Variants in TBC1D12 observed in about 807,000 individuals in gnomAD.
TBC1D12 encodes TBC1 domain family member 12, also known as TBC1 domain family, member 12.
Under a neutral mutation model 86.7 loss-of-function variants are expected in TBC1D12, and 56 were observed. That is an observed-to-expected ratio of 0.65 (90% CI 0.52 to 0.81). The LOEUF (loss-of-function observed/expected upper bound fraction) is 0.81, where lower values mean the gene tolerates loss of function less well. Ranked by LOEUF, TBC1D12 falls within the 30% of genes least tolerant of loss-of-function variation. The pLI, the probability that TBC1D12 is intolerant of heterozygous loss-of-function variation, is 0.00. For synonymous variants in TBC1D12, 421 were observed against 411.7 expected, an observed-to-expected ratio of 1.02 and a Z score of -0.27; for missense variants, 1,023 against 1,038.8, an observed-to-expected ratio of 0.98 and a Z score of 0.21.
intron 4 of TBC1D12, among the ~76,000 whole-genome samples, chr10:94,494,910 A>G (rs998230458): frequency 3.9e-5 from 6 of 152,034 alleles, no homozygotes; most frequent in Non-Finnish European, 8.8e-5. Flanking sequence ...TACCTAGGCC[A>G]GAGTGCAGTG....
chr10:94,474,281 T>A (rs1314694954), intron 2 of TBC1D12, among the ~76,000 whole-genome samples: 1 of 152,104 alleles, frequency 6.6e-6, no homozygotes, highest in Admixed American at 6.6e-5. Flanking sequence ...TTCCTTCTCT[T>A]ACATTTTGAT....
intron 2 of TBC1D12, among the ~76,000 whole-genome samples, chr10:94,454,455 C>T (rs1329940580): frequency 1.3e-5 from 2 of 152,198 alleles, no homozygotes; most frequent in Non-Finnish European, 2.9e-5. Flanking sequence ...AGGTTATCCA[C>T]CCGCCTCGGC....
intron 9 of TBC1D12, 122 bp from the exon 10 acceptor site, chr10:94,521,833 A>G (rs945386695): frequency 4.4e-6 from 4 of 904,730 alleles, no homozygotes; most frequent in Non-Finnish European, 6.0e-6. Context: ...TGGGAAGGAA[A>G]AAAGAAATCT....
In TBC1D12 at chr10:94,522,051, C is replaced by T; in HGVS notation, c.1858C>T (p.Gln620Ter). The T allele has an allele frequency of 6.2e-7, 1 of 1,612,730 alleles. No individual in the cohort carries two copies. Among genetic ancestry groups the T allele is most frequent in the Non-Finnish European group, 8.5e-7 (1 of 1,179,120 alleles). Residue 620 changes from glutamine to a stop codon, truncating the protein, a stop_gained, in exon 10 of 13, where the codon CAG becomes TAG. Transcript: ENST00000225235. LOFTEE classifies it high-confidence loss of function. Reference protein sequence around the residue: ...AFANLLNKPCQLAFFRVDHSM... With the variant: ...AFANLLNKPC Reference sequence around the variant, plus strand: ...TGCCAATCTCCTGAATAAGCCATGCCAGTTGGCCTTTTTTCGTGTGGATCA... The same window carrying T: ...TGCCAATCTCCTGAATAAGCCATGCTAGTTGGCCTTTTTTCGTGTGGATCA...
At chr10:94,414,809 A>C (rs1468333390) in intron 1 of TBC1D12, among the ~76,000 whole-genome samples, 2 of 152,162 alleles carry the variant, frequency 1.3e-5, no homozygotes, top group Non-Finnish European at 2.9e-5. Flanking sequence ...CATGTTGGCC[A>C]GGGCGGTCTC....
At position 94,402,702 on chromosome 10, in the gene TBC1D12, G is replaced by T. The variant is rs755760112; in HGVS notation, c.89G>T (p.Arg30Met). ...GCGCCGGACCCCGTGGGCCAGGACA[G>T]GAAGGTAATCCGGGCCACGGGCGGC... ...VPAPDPVGQD[R>M]KVIRATGGFG... The change falls in exon 1 of 13, where the codon AGG becomes ATG. Residue 30 changes from arginine to methionine, a missense_variant. Arg to Met is a moderately conservative substitution (Grantham distance 91). Around this residue, in one of 2 missense-constraint regions of TBC1D12, gnomAD observed 628 missense variants for 531.1 expected, o/e 1.18. Coordinates refer to ENST00000225235, the MANE Select transcript of TBC1D12 (RefSeq NM_015188.2). 4.4e-6 allele frequency: 7 copies of T among 1,595,774 alleles called. No homozygotes were observed. In the African/African-American group the frequency reaches 5.4e-5, roughly 12 times the overall value.
In TBC1D12 at chr10:94,402,926, C is replaced by G. The variant is rs2054788618; in HGVS notation, c.313C>G (p.Arg105Gly). The G allele has an allele frequency of 1.3e-6, 2 of 1,532,458 alleles. No homozygotes were observed. The highest frequency in any genetic ancestry group is 1.2e-5 in the South Asian group (1 of 82,516). 94.9% of individuals were successfully genotyped at this position (1,532,458 alleles called of 1,614,324 possible). A position where few individuals can be genotyped will look rare whatever the true frequency, so the allele number is the denominator to read the frequency against. The change falls in exon 1 of 13, where the codon CGA becomes GGA. Residue 105 changes from arginine to glycine, a missense_variant. Arg to Gly is a moderately radical substitution (Grantham distance 125, BLOSUM62 -2). Transcript: ENST00000225235. ...AGAPPPSAAP[R>G]SDACLLGSGS... is the part of the protein sequence containing the mutation. Reference sequence around the variant, plus strand: ...CGCCCCGCCGCCCTCGGCAGCCCCACGATCGGACGCCTGCCTGCTGGGCTC... The same window carrying G: ...CGCCCCGCCGCCCTCGGCAGCCCCAGGATCGGACGCCTGCCTGCTGGGCTC...
chr10:94,494,866 T>C (rs2056294550), intron 4 of TBC1D12, among the ~76,000 whole-genome samples: 1 of 151,726 alleles, frequency 6.6e-6, no homozygotes, highest in Non-Finnish European at 1.5e-5. Flanking sequence ...TTTTATTATG[T>C]ATTTATTTAT....
At chr10:94,405,546 A>C (rs537009033) in intron 1 of TBC1D12, among the ~76,000 whole-genome samples, 5 of 152,304 alleles carry the variant, frequency 3.3e-5, no homozygotes, top group African/African-American at 1.2e-4. Flanking sequence ...TTAGGTTTAT[A>C]AATTTGTGAC....
chr10:94,475,091 G>A (rs916300567), intron 3 of TBC1D12, among the ~76,000 whole-genome samples: 1 of 152,104 alleles, frequency 6.6e-6, no homozygotes, highest in Non-Finnish European at 1.5e-5. Context: ...GTATATTGTT[G>A]TTGTCTAAGA....
chr10:94,470,574 G>A (rs1184832692), intron 2 of TBC1D12, among the ~76,000 whole-genome samples: 1 of 151,970 alleles, frequency 6.6e-6, no homozygotes, highest in African/African-American at 2.4e-5. Context: ...TGTTGCCCAG[G>A]CTGGTCTTGA....
chr10:94,507,374 T>A, intron 7 of TBC1D12, 27 bp downstream of exon 7: 1 of 1,566,734 alleles, frequency 6.4e-7, no homozygotes, highest in Non-Finnish European at 8.7e-7. Flanking sequence ...TAAATAAGAA[T>A]TTTAGGATGA....
intron 3 of TBC1D12, among the ~76,000 whole-genome samples, chr10:94,476,814 T>A (rs1042335339): frequency 1.3e-5 from 2 of 152,242 alleles, no homozygotes; most frequent in Admixed American, 1.3e-4. Flanking sequence ...TCTACCTCCA[T>A]GCCTTTGCTC....
chr10:94,475,095 T>G (rs1270173645), intron 3 of TBC1D12, among the ~76,000 whole-genome samples: 1 of 152,210 alleles, frequency 6.6e-6, no homozygotes, highest in Non-Finnish European at 1.5e-5. Context: ...ATTGTTGTTG[T>G]CTAAGACTTA....
chr10:94,430,327 G>A (rs2055198689), intron 1 of TBC1D12, among the ~76,000 whole-genome samples: 2 of 152,210 alleles, frequency 1.3e-5, no homozygotes, highest in South Asian at 4.1e-4. Flanking sequence ...ACTGTTGGCA[G>A]TAAGAAGATT....
intron 4 of TBC1D12, among the ~76,000 whole-genome samples, chr10:94,494,643 A>G (rs2056291192): frequency 6.6e-6 from 1 of 152,192 alleles, no homozygotes; most frequent in East Asian, 1.9e-4. Context: ...TCCCAGGCTC[A>G]GGAGATCCTC....
chr10:94,531,565 A>T lies in TBC1D12; in HGVS notation c.2259+105A>T, dbSNP rs932168894. On this transcript the variant is annotated intron_variant, in intron 12 of 12. Coordinates refer to ENST00000225235, the MANE Select transcript of TBC1D12 (RefSeq NM_015188.2). ...GTTAGTACTTAAAAATATGTCTTTT[A>T]AAAATAATTTTTGACTTCTAAGAAG... 4 of 1,244,194 alleles carry T rather than the reference A, an allele frequency of 3.2e-6. No homozygotes were observed. In the East Asian group the frequency reaches 1.1e-4, roughly 35 times the overall value. 77.1% of individuals were successfully genotyped at this position (1,244,194 alleles called of 1,614,324 possible). A position where few individuals can be genotyped will look rare whatever the true frequency, so the allele number is the denominator to read the frequency against.
At chr10:94,470,866 C>T (rs183680144) in intron 2 of TBC1D12, among the ~76,000 whole-genome samples, 1 of 151,490 alleles carries the variant, frequency 6.6e-6, no homozygotes, top group African/African-American at 2.4e-5. Context: ...TGTTTTAAAG[C>T]TTTTTTATTA....
chr10:94,411,775 T>C (rs1329216710), intron 1 of TBC1D12, among the ~76,000 whole-genome samples: 1 of 151,956 alleles, frequency 6.6e-6, no homozygotes, highest in African/African-American at 2.4e-5. Context: ...CTAGGCAACA[T>C]AGTGAGAGGC....
Sources: gnomAD v4.1 joint callset for allele counts (sites outside exome capture counted in the v4.1 genomes callset) on GRCh38, gnomAD v4.1.1 for gene constraint, gnomAD v4.1.1 regional missense constraint, MANE v1.5 for transcripts, NCBI Gene and HGNC (gene_info 2026-07-23, HGNC 2026-07-21) for gene names.